SPTBN1: variants seen among roughly 807,000 people sequenced by gnomAD.
SPTBN1 encodes the protein spectrin beta chain, non-erythrocytic 1.
Under a neutral mutation model 266.4 loss-of-function variants are expected in SPTBN1, and 32 were observed. That is an observed-to-expected ratio of 0.12 (90% CI 0.09 to 0.16). The LOEUF is 0.16. SPTBN1 is among the 10% of genes least tolerant of loss of function. The pLI is 1.00. For missense variants in SPTBN1, 2,296 were observed against 3,067.1 expected (o/e 0.75, Z 5.94); for synonymous variants, 1,336 against 1,162.2 (o/e 1.15, Z -3.04).
intron 1 of SPTBN1, among the ~76,000 whole-genome samples, chr2:54,521,871 A>C (rs1351392869): frequency 6.6e-6 from 1 of 152,002 alleles, no homozygotes; most frequent in Admixed American, 6.6e-5. Context: ...TAATTTGGAT[A>C]CTTTGACTTC....
At chr2:54,523,802 C>A (rs185833824) in intron 1 of SPTBN1, among the ~76,000 whole-genome samples, 1 of 152,186 alleles carries the variant, frequency 6.6e-6, no homozygotes, top group Non-Finnish European at 1.5e-5. Flanking sequence ...GTGAGGAGGC[C>A]TGCTGACTCT....
intron 26 of SPTBN1, among the ~76,000 whole-genome samples, chr2:54,652,050 C>T (rs1680331516): frequency 6.6e-6 from 1 of 152,146 alleles, no homozygotes; most frequent in Non-Finnish European, 1.5e-5. Context: ...ATTCTACTCT[C>T]ATAGACATCT....
chr2:54,517,129 GGGAT>G (rs56917850), intron 1 of SPTBN1, among the ~76,000 whole-genome samples: 112,700 of 151,266 alleles, frequency 0.75, 42,899 homozygotes, highest in African/African-American at 0.91. Flanking sequence ...ATGCTGGAGG[GGGAT>G]GGATAGTGAG....
intron 1 of SPTBN1, among the ~76,000 whole-genome samples, chr2:54,477,012 C>T (rs865901708): frequency 2.1e-5 from 2 of 95,944 alleles, no homozygotes; most frequent in South Asian, 5.9e-4. Flanking sequence ...TCCAAACACA[C>T]CGAGTTTTTT....
At chr2:54,467,480 C>T (rs754438299) in intron 1 of SPTBN1, among the ~76,000 whole-genome samples, 28 of 152,108 alleles carry the variant, frequency 1.8e-4, no homozygotes, top group South Asian at 2.1e-4. Context: ...CTGCAACCTC[C>T]GCCTCCCAGG....
rs771719675 is a variant in SPTBN1, at chr2:54,529,452, A to T, written c.148+2886A>T. On this transcript the variant is annotated intron_variant, in intron 2 of 35. Coordinates refer to ENST00000356805, the MANE Select transcript of SPTBN1 (RefSeq NM_003128.3). ...GTGTTGAAAGGTGTCCACGGCCACA[A>T]AAAAAAGAAGATCCGCATGTCACCC... 1.1e-5 allele frequency: 8 copies of T among 710,512 alleles called. No homozygotes were observed. In the East Asian group the frequency reaches 2.1e-4, roughly 19 times the overall value. The allele number at this position is 710,512 out of a possible 1,614,324, so 44.0% of individuals were successfully genotyped here.
At chr2:54,472,022 GTTTTTTTT>G (rs768988675) in intron 1 of SPTBN1, among the ~76,000 whole-genome samples, 1 of 66,802 alleles carries the variant, frequency 1.5e-5, no homozygotes, top group East Asian at 5.1e-4. Context: ...CCCTGAAGAT[GTTTTTTTT>G]TTTTTTTTTT....
chr2:54,667,805 C>G (rs924237971), intron 35 of SPTBN1, among the ~76,000 whole-genome samples, 159 bp downstream of exon 35: 2 of 152,178 alleles, frequency 1.3e-5, no homozygotes, highest in Admixed American at 1.3e-4. Flanking sequence ...TTGGTTCTGT[C>G]TCTAGAAGGC....
intron 2 of SPTBN1, among the ~76,000 whole-genome samples, chr2:54,581,577 C>CGT (rs1305877794): frequency 3.9e-5 from 4 of 102,682 alleles, no homozygotes; most frequent in African/African-American, 1.2e-4. Context: ...TTTCTTTGCC[C>CGT]TTTTTTTTTT....
chr2:54,491,878 C>T (rs1359183042), intron 1 of SPTBN1, among the ~76,000 whole-genome samples: 1 of 152,182 alleles, frequency 6.6e-6, no homozygotes. Context: ...GGATTACAGT[C>T]ATGAGCCACT....
intron 2 of SPTBN1, among the ~76,000 whole-genome samples, chr2:54,586,438 C>A (rs1374227695): frequency 6.6e-6 from 1 of 152,172 alleles, no homozygotes. Flanking sequence ...GGAATCTTGT[C>A]ATAATTCTAT....
At chr2:54,641,858 T>G (rs1679588873) in intron 18 of SPTBN1, among the ~76,000 whole-genome samples, 1 of 152,214 alleles carries the variant, frequency 6.6e-6, no homozygotes, top group African/African-American at 2.4e-5. Context: ...GGAAGGGCCT[T>G]GGAAGTGTTA....
intron 32 of SPTBN1, chr2:54,662,285 T>C: frequency 1.0e-6 from 1 of 985,482 alleles, no homozygotes; most frequent in Non-Finnish European, 1.2e-6. Flanking sequence ...CACATGTCCA[T>C]TAAAATTCAT....
chr2:54,467,443 G>C (rs1195880207), intron 1 of SPTBN1, among the ~76,000 whole-genome samples: 10 of 152,206 alleles, frequency 6.6e-5, no homozygotes, highest in Admixed American at 3.3e-4. Flanking sequence ...CCCCCAGGCT[G>C]GAGTGCGATG....
At chr2:54,648,591 G>A (rs1680066332) in intron 24 of SPTBN1, among the ~76,000 whole-genome samples, 1 of 152,182 alleles carries the variant, frequency 6.6e-6, no homozygotes, top group Non-Finnish European at 1.5e-5. Context: ...TCACCTTCCT[G>A]ACTGGGAAGA....
At chr2:54,660,669 T>G (rs754090643) in intron 32 of SPTBN1, 1 of 985,378 alleles carries the variant, frequency 1.0e-6, no homozygotes, top group Non-Finnish European at 1.2e-6. Context: ...CTCATACATT[T>G]TGAGACCCTT....
At chr2:54,590,725 A>G (rs1224925980) in intron 2 of SPTBN1, among the ~76,000 whole-genome samples, 7 of 152,246 alleles carry the variant, frequency 4.6e-5, no homozygotes, top group African/African-American at 7.2e-5. Flanking sequence ...AGTTCAGAGC[A>G]TGAGAGTAAG....
At position 54,668,483 on chromosome 2, in the gene SPTBN1, A is replaced by C. The variant is rs1308798022; in HGVS notation, c.7009A>C (p.Thr2337Pro). 1.2e-6 allele frequency: 2 copies of C among 1,614,166 alleles called. No individual in the cohort carries two copies. The highest frequency in any genetic ancestry group is 2.2e-5 in the South Asian group (2 of 91,080). Reference sequence around the variant, plus strand: ...CCTCCCCACCAGCGTCGTCACCATCACCAGCGAGTCCAGTCCCGGCAAGCG... The same window carrying C: ...CCTCCCCACCAGCGTCGTCACCATCCCCAGCGAGTCCAGTCCCGGCAAGCG... ...QTLPTSVVTI[T>P]SESSPGKREK... The change falls in exon 36 of 36, where the codon ACC (threonine) becomes CCC (proline). Residue 2337 changes from threonine to proline, a missense_variant. By Grantham distance (38) the Thr-to-Pro change is conservative (BLOSUM62 -1). Transcript: ENST00000356805.
At position 54,659,933 on chromosome 2, in the gene SPTBN1, C is replaced by T. The variant is rs1200698724; in HGVS notation, c.6357-3C>T. On this transcript the variant is annotated splice_region_variant and splice_polypyrimidine_tract_variant and intron_variant, in intron 31 of 35. Transcript: ENST00000356805. ...TTCCTCCTTTTCCCCTCTTCCCTAACAGGGATACTTCAAAAGGAGAACAAG... is the reference window on the plus strand; with the variant it reads ...TTCCTCCTTTTCCCCTCTTCCCTAATAGGGATACTTCAAAAGGAGAACAAG... The T allele has an allele frequency of 3.7e-6, 6 of 1,614,014 alleles. No homozygotes were observed. Among genetic ancestry groups the T allele is most frequent in the African/African-American group, 1.3e-5 (1 of 75,040 alleles).
Sources: gnomAD v4.1 joint callset for allele counts (sites outside exome capture counted in the v4.1 genomes callset) on GRCh38, gnomAD v4.1.1 for gene constraint, MANE v1.5 for transcripts, NCBI Gene and HGNC (gene_info 2026-07-23, HGNC 2026-07-21) for gene names.